The following IFT43 variants were observed in gnomAD, a reference collection of about 807,000 sequenced individuals.
The protein encoded by IFT43 is intraflagellar transport protein 43 homolog.
In IFT43, 33 loss-of-function variants were observed where a neutral mutation model predicts 32.3. That is an observed-to-expected ratio of 1.02 (90% confidence interval 0.77 to 1.37). The LOEUF is 1.37. Among genes scored for constraint, IFT43 ranks in the 40% most tolerant of loss-of-function variants. The pLI is 0.00. For missense variants in IFT43, 274 were observed against 265.9 expected (o/e 1.03, Z -0.21); for synonymous variants, 93 against 98.2 (o/e 0.95, Z 0.31).
intron 2 of IFT43, among the ~76,000 whole-genome samples, chr14:76,007,382 G>A (rs906917342): frequency 2.6e-5 from 4 of 152,156 alleles, no homozygotes; most frequent in African/African-American, 9.6e-5. Flanking sequence ...ACATGATGGG[G>A]GCCGCCAGCC....
At chr14:76,046,855 G>A (rs1262146105) in intron 3 of IFT43, among the ~76,000 whole-genome samples, 1 of 152,174 alleles carries the variant, frequency 6.6e-6, no homozygotes, top group Non-Finnish European at 1.5e-5. Context: ...AATTCCTGCT[G>A]CTATAACAAA....
chr14:76,034,922 G>A (rs113628042), intron 3 of IFT43, among the ~76,000 whole-genome samples: 88 of 152,324 alleles, frequency 5.8e-4, no homozygotes, highest in African/African-American at 2.0e-3. Context: ...CACTGACTTC[G>A]CCATGGGGAA....
intron 3 of IFT43, among the ~76,000 whole-genome samples, chr14:76,034,751 A>T (rs1337398617): frequency 1.3e-5 from 2 of 152,284 alleles, no homozygotes; most frequent in Admixed American, 6.5e-5. Context: ...TCCATTGCTC[A>T]TCCTTGAGCC....
intron 2 of IFT43, among the ~76,000 whole-genome samples, chr14:75,992,138 C>T (rs968455465): frequency 4.6e-5 from 7 of 152,058 alleles, no homozygotes; most frequent in African/African-American, 9.7e-5. Flanking sequence ...TATTTTAAAG[C>T]GAGGTAGTGG....
At chr14:75,999,014 C>T (rs1183399676) in intron 2 of IFT43, among the ~76,000 whole-genome samples, 3 of 151,860 alleles carry the variant, frequency 2.0e-5, no homozygotes, top group Admixed American at 1.3e-4. Flanking sequence ...GGATTATAGG[C>T]GTGAGCCACT....
chr14:76,031,488 C>T (rs112735080), intron 3 of IFT43, among the ~76,000 whole-genome samples: 3 of 152,016 alleles, frequency 2.0e-5, no homozygotes, highest in East Asian at 1.9e-4. Flanking sequence ...TAGTGTTAAG[C>T]GAAAACAAGA....
intron 5 of IFT43, among the ~76,000 whole-genome samples, chr14:76,069,373 G>C (rs1219766935): frequency 2.0e-5 from 3 of 152,154 alleles, no homozygotes; most frequent in African/African-American, 7.2e-5. Context: ...TGTCAGAAAA[G>C]GGGGGTATGA....
chr14:76,015,122 A>C (rs1476025527), intron 2 of IFT43, among the ~76,000 whole-genome samples: 2 of 152,132 alleles, frequency 1.3e-5, no homozygotes, highest in Non-Finnish European at 2.9e-5. Flanking sequence ...ATTTCTGGGG[A>C]AGAGCATATA....
At chr14:76,009,186 A>T (rs1242399489) in intron 2 of IFT43, among the ~76,000 whole-genome samples, 1 of 152,212 alleles carries the variant, frequency 6.6e-6, no homozygotes, top group South Asian at 2.1e-4. Context: ...ATCATGTATC[A>T]TCTGCTTCAT....
intron 2 of IFT43, among the ~76,000 whole-genome samples, chr14:76,009,600 T>TTAGGTGCCTTCCTCC (rs1566705174): frequency 6.6e-6 from 1 of 152,214 alleles, no homozygotes; most frequent in African/African-American, 2.4e-5. Flanking sequence ...TCTGTTTTGC[T>TTAGGTGCCTTCCTCC]TAGGTACCTT....
At chr14:76,045,617 C>T (rs2036792540) in intron 3 of IFT43, among the ~76,000 whole-genome samples, 1 of 152,212 alleles carries the variant, frequency 6.6e-6, no homozygotes, top group Admixed American at 6.5e-5. Context: ...CCTTTCTGCC[C>T]CACCATCCTT....
chr14:76,024,655 C>T (rs1021465574), intron 3 of IFT43, among the ~76,000 whole-genome samples: 3 of 152,202 alleles, frequency 2.0e-5, no homozygotes, highest in Non-Finnish European at 2.9e-5. Flanking sequence ...AGGCAGGTCT[C>T]TCTGAGTTTT....
intron 3 of IFT43, among the ~76,000 whole-genome samples, chr14:76,042,898 G>A (rs1236358927): frequency 6.6e-6 from 1 of 152,168 alleles, no homozygotes; most frequent in South Asian, 2.1e-4. Context: ...ATGTTAAATC[G>A]GGTTAGGTTT....
chr14:76,059,160 C>A, intron 4 of IFT43, 167 bp from the exon 5 acceptor site: 2 of 1,541,442 alleles, frequency 1.3e-6, no homozygotes, highest in Admixed American at 1.9e-5. Flanking sequence ...TGCAACCACA[C>A]ACGGCACACC....
At chr14:76,026,060 G>A (rs554497933) in intron 3 of IFT43, among the ~76,000 whole-genome samples, 12 of 152,244 alleles carry the variant, frequency 7.9e-5, no homozygotes, top group Admixed American at 2.6e-4. Flanking sequence ...TCTGACAAAA[G>A]TGTAGTATCT....
intron 2 of IFT43, among the ~76,000 whole-genome samples, chr14:76,005,254 C>T (rs1350906788): frequency 6.6e-6 from 1 of 152,168 alleles, no homozygotes; most frequent in Non-Finnish European, 1.5e-5. Flanking sequence ...TTGTGGATCA[C>T]CTTAAACTTG....
chr14:76,009,943 T>G (rs192658504), intron 2 of IFT43, among the ~76,000 whole-genome samples: 1 of 152,132 alleles, frequency 6.6e-6, no homozygotes, highest in African/African-American at 2.4e-5. Context: ...TACAGGTACA[T>G]GCCACCGTGC....
At chr14:75,986,481 C>T (rs994830802) in intron 1 of IFT43, among the ~76,000 whole-genome samples, 9 of 151,756 alleles carry the variant, frequency 5.9e-5, no homozygotes, top group Non-Finnish European at 8.8e-5. Flanking sequence ...ACGATTTAAC[C>T]TTTCCGAGCC....
At chr14:76,044,421 C>G (rs531723665) in intron 3 of IFT43, among the ~76,000 whole-genome samples, 2 of 152,294 alleles carry the variant, frequency 1.3e-5, no homozygotes, top group South Asian at 2.1e-4. Context: ...AGCTTCTGTT[C>G]CCATGGAGTT....
Sources: allele counts gnomAD v4.1 joint callset (sites outside exome capture counted in the v4.1 genomes callset), GRCh38; gene constraint gnomAD v4.1.1; transcripts MANE v1.5; gene names NCBI Gene and HGNC (gene_info 2026-07-23, HGNC 2026-07-21).